The following PTPRR variants were observed in gnomAD, a reference collection of about 807,000 sequenced individuals.
The protein encoded by PTPRR is receptor-type tyrosine-protein phosphatase R.
Under a neutral mutation model 77.2 loss-of-function variants are expected in PTPRR, and 38 were observed. The observed-to-expected ratio is 0.49, with a 90% CI of 0.38 to 0.65. The LOEUF (loss-of-function observed/expected upper bound fraction) is 0.65. PTPRR is among the 30% of genes least tolerant of loss of function. The pLI, the probability that PTPRR is intolerant of heterozygous loss-of-function variation, is 0.00. For missense variants in PTPRR, 744 were observed against 799.2 expected, an observed-to-expected ratio of 0.93 and a Z score of 0.83; for synonymous variants, 299 against 283.1, an observed-to-expected ratio of 1.06 and a Z score of -0.57.
chr12:70,645,704 A>G (rs1886170939), intron 13 of PTPRR, among the ~76,000 whole-genome samples: 1 of 152,198 alleles, frequency 6.6e-6, no homozygotes, highest in Non-Finnish European at 1.5e-5. Flanking sequence ...CTACCCTCCT[A>G]TAAATGTCAG....
Position 70,733,383 on chromosome 12 carries a change from G to A in PTPRR, c.1007+12435C>T, listed in dbSNP as rs12367508. Reference sequence around the variant, plus strand: ...ACCAAAAAAAGATTATGCCTTACCCGCCAGAGAGGACGCTGTCATAAAAAA... The same window carrying A: ...ACCAAAAAAAGATTATGCCTTACCCACCAGAGAGGACGCTGTCATAAAAAA... On this transcript the variant is annotated intron_variant, in intron 6 of 13. Coordinates refer to ENST00000283228, the MANE Select transcript of PTPRR (RefSeq NM_002849.4). 9.2e-5 allele frequency among the ~76,000 whole-genome samples: 12 copies of A among 129,858 alleles called. No individual in the cohort carries two copies. In the East Asian group the frequency reaches 2.2e-3, roughly 24 times the overall value. The allele number at this position is 129,858 out of a possible 152,430, so 85.2% of individuals were successfully genotyped here. A position where few individuals can be genotyped will look rare whatever the true frequency, so the allele number is the denominator to read the frequency against.
At chr12:70,766,193 G>T (rs1380411689) in intron 2 of PTPRR, among the ~76,000 whole-genome samples, 1 of 152,136 alleles carries the variant, frequency 6.6e-6, no homozygotes, top group Non-Finnish European at 1.5e-5. Flanking sequence ...AGAGAAGAAG[G>T]CTTCAGACAA....
chr12:70,785,639 T>C (rs1007717080), intron 2 of PTPRR, among the ~76,000 whole-genome samples: 1 of 152,236 alleles, frequency 6.6e-6, no homozygotes, highest in African/African-American at 2.4e-5. Flanking sequence ...ATACTTTTTA[T>C]GATAGTATCA....
chr12:70,656,621 G>A, intron 13 of PTPRR, 83 bp downstream of exon 13: 1 of 931,100 alleles, frequency 1.1e-6, no homozygotes, highest in Non-Finnish European at 1.7e-6. Flanking sequence ...TGGAGCCTGA[G>A]ATGTTTATGC....
intron 2 of PTPRR, among the ~76,000 whole-genome samples, chr12:70,877,804 C>T (rs1383150303): frequency 2.0e-4 from 30 of 152,040 alleles, no homozygotes; most frequent in Admixed American, 2.0e-3. Flanking sequence ...CCATCCTAAG[C>T]CAAAAGAACA....
At chr12:70,665,538 C>T (rs139921204) in intron 10 of PTPRR, among the ~76,000 whole-genome samples, 3,440 of 151,630 alleles carry the variant, frequency 0.023, 77 homozygotes, top group African/African-American at 0.04. Context: ...TGCACCATCA[C>T]GCCCAGCTAA....
At position 70,655,462 on chromosome 12, in the gene PTPRR, T is replaced by C. The variant is rs529258896; in HGVS notation, c.1880+1242A>G. On this transcript the variant is annotated intron_variant, in intron 13 of 13. Transcript: ENST00000283228. ...TGCATACGCATGTTCATAGCAGCAGTATTCACAATAGTCAAAATATGGAAG... is the reference window on the plus strand; with the variant it reads ...TGCATACGCATGTTCATAGCAGCAGCATTCACAATAGTCAAAATATGGAAG... 2.0e-5 allele frequency among the ~76,000 whole-genome samples: 3 copies of C among 152,350 alleles called. No individual in the cohort carries two copies. In the East Asian group the frequency reaches 5.8e-4, roughly 29 times the overall value.
At chr12:70,686,608 G>A (rs909665627) in intron 8 of PTPRR, among the ~76,000 whole-genome samples, 16 of 152,118 alleles carry the variant, frequency 1.1e-4, no homozygotes, top group South Asian at 2.1e-4. Flanking sequence ...TCCTCCTTGC[G>A]CTCTTTCTTG....
intron 2 of PTPRR, among the ~76,000 whole-genome samples, chr12:70,878,347 C>G (rs1333898674): frequency 6.6e-6 from 1 of 152,128 alleles, no homozygotes; most frequent in Non-Finnish European, 1.5e-5. Flanking sequence ...TTGCAAGCTG[C>G]TCACCTGACA....
At chr12:70,890,422 A>G (rs536792516) in intron 2 of PTPRR, among the ~76,000 whole-genome samples, 22 of 152,280 alleles carry the variant, frequency 1.4e-4, no homozygotes, top group Admixed American at 3.9e-4. Flanking sequence ...TCAGGAAGGG[A>G]GGAGAGACAC....
At chr12:70,850,338 A>C (rs1317785256) in intron 2 of PTPRR, among the ~76,000 whole-genome samples, 1 of 151,760 alleles carries the variant, frequency 6.6e-6, no homozygotes, top group Non-Finnish European at 1.5e-5. Flanking sequence ...CAGCCTGGGC[A>C]ACAAAGCGAG....
At chr12:70,891,132 C>A (rs1893329254) in intron 2 of PTPRR, among the ~76,000 whole-genome samples, 1 of 152,028 alleles carries the variant, frequency 6.6e-6, no homozygotes, top group African/African-American at 2.4e-5. Context: ...GTAATCATCA[C>A]CCCAAAGGAA....
chr12:70,878,478 CA>C (rs1893091689), intron 2 of PTPRR, among the ~76,000 whole-genome samples: 1 of 152,168 alleles, frequency 6.6e-6, no homozygotes, highest in Non-Finnish European at 1.5e-5. Flanking sequence ...GACATTTATG[CA>C]GCGAAAAGAC....
intron 6 of PTPRR, among the ~76,000 whole-genome samples, chr12:70,701,879 G>A (rs1043741528): frequency 6.6e-6 from 1 of 152,080 alleles, no homozygotes; most frequent in African/African-American, 2.4e-5. Flanking sequence ...AGGCTGAGGT[G>A]AGAGAATCAT....
At chr12:70,811,744 C>T (rs1565705467) in intron 2 of PTPRR, among the ~76,000 whole-genome samples, 1 of 152,164 alleles carries the variant, frequency 6.6e-6, no homozygotes, top group Non-Finnish European at 1.5e-5. Context: ...ATTGCCATGT[C>T]CACACTACCA....
At chr12:70,845,233 A>G (rs1188418158) in intron 2 of PTPRR, among the ~76,000 whole-genome samples, 1 of 151,996 alleles carries the variant, frequency 6.6e-6, no homozygotes, top group Non-Finnish European at 1.5e-5. Context: ...AGAAGCTTAT[A>G]GGTGTGCACA....
chr12:70,710,179 G>A (rs1565659394), intron 6 of PTPRR, among the ~76,000 whole-genome samples: 1 of 152,102 alleles, frequency 6.6e-6, no homozygotes, highest in Non-Finnish European at 1.5e-5. Context: ...AACCAAAACA[G>A]CATAGTACTG....
Position 70,658,721 on chromosome 12 carries a change from C to CT in PTPRR, c.1767-1905dup, listed in dbSNP as rs78112860. Among the ~76,000 whole-genome samples the CT allele has an allele frequency of 7.9e-3, 1,099 of 138,888 alleles. 7 individuals carry two copies. Among genetic ancestry groups the CT allele is most frequent in the African/African-American group, 0.014 (531 of 38,030 alleles). 91.1% of individuals were successfully genotyped at this position (138,888 alleles called of 152,430 possible). ...AAGGCTAAGTGGTTTGAAATACATC[C>CT]TTTTTTTTTTTTTTAAGTAAGAATT... On this transcript the variant is annotated intron_variant, in intron 12 of 13. Transcript: ENST00000283228.
chr12:70,815,144 A>AC (rs1247034408), intron 2 of PTPRR, among the ~76,000 whole-genome samples: 1 of 127,070 alleles, frequency 7.9e-6, no homozygotes, highest in Admixed American at 8.3e-5. Context: ...AAAAAAAAAA[A>AC]AAAACCCACG....
Sources: gnomAD v4.1 joint callset for allele counts (sites outside exome capture counted in the v4.1 genomes callset) on GRCh38, gnomAD v4.1.1 for gene constraint, MANE v1.5 for transcripts, NCBI Gene and HGNC (gene_info 2026-07-23, HGNC 2026-07-21) for gene names.